The following PGAM5 variants were observed in gnomAD, a reference collection of about 807,000 sequenced individuals.
The protein encoded by PGAM5 is serine/threonine-protein phosphatase PGAM5, mitochondrial.
Under a neutral mutation model 30.6 loss-of-function variants are expected in PGAM5, and 25 were observed. The ratio of observed to expected loss-of-function variants is 0.82; its 90% confidence interval spans 0.60 to 1.14. PGAM5 has a LOEUF of 1.14. Among genes scored for constraint, PGAM5 ranks in the 50% most tolerant of loss-of-function variants. The pLI is 0.00. For missense variants in PGAM5, 384 were observed against 408.5 expected (o/e 0.94, Z 0.52); for synonymous variants, 201 against 179.1 (o/e 1.12, Z -0.98).
intron 1 of PGAM5, among the ~76,000 whole-genome samples, chr12:132,713,967 T>G (rs1040242672): frequency 3.3e-5 from 5 of 151,896 alleles, no homozygotes; most frequent in African/African-American, 1.2e-4. Flanking sequence ...TTCCAGCAGC[T>G]CTGGAACAGA....
chr12:132,712,262 C>T (rs1484604132), intron 1 of PGAM5, among the ~76,000 whole-genome samples: 1 of 152,046 alleles, frequency 6.6e-6, no homozygotes, highest in Non-Finnish European at 1.5e-5. Context: ...CTGTTCTGTT[C>T]TAGGGTCCCA....
rs17855393 is a variant in PGAM5 at position 132,718,796 on chromosome 12, C to G, written c.719+676C>G. ...GCTGTTGTCCGCTGGGGATTTTGTG[C>G]TTCTGGGGTCCTGACCTCTTTCACT... On this transcript the variant is annotated intron_variant, in intron 5 of 5. Coordinates refer to ENST00000498926, the MANE Select transcript of PGAM5 (RefSeq NM_001170543.2). 10,790 of 1,613,566 alleles carry G rather than the reference C, an allele frequency of 6.7e-3. 529 individuals carry two copies. The African/African-American group carries it at 0.11, about 17-fold the overall frequency.
intron 2 of PGAM5, among the ~76,000 whole-genome samples, chr12:132,716,529 T>C (rs904621468): frequency 6.6e-6 from 1 of 152,116 alleles, no homozygotes; most frequent in Non-Finnish European, 1.5e-5. Flanking sequence ...GCGCCCGGCC[T>C]GGCCTCTGCC....
At position 132,720,433 on chromosome 12, in the gene PGAM5, A is replaced by G. The variant is rs551165928; in HGVS notation, c.720-245A>G. On this transcript the variant is annotated intron_variant, in intron 5 of 5. Transcript: ENST00000498926. ...CGCCATTCTTCTGCCTCAGCCTCCC[A>G]AGTAGCTGGGACTACAGGTGCCTGC... Among the ~76,000 whole-genome samples, 746 of 151,562 alleles carry G rather than the reference A, an allele frequency of 4.9e-3. 6 individuals are homozygous for G. Among genetic ancestry groups the G allele is most frequent in the South Asian group, 0.017 (81 of 4,792 alleles).
At chr12:132,715,088 T>G (rs1181746868) in intron 2 of PGAM5, 52 bp downstream of exon 2, 5 of 1,366,788 alleles carry the variant, frequency 3.7e-6, no homozygotes, top group Non-Finnish European at 4.9e-6. Flanking sequence ...TGTGGCCAGG[T>G]GCATATCTGC....
Position 132,714,923 on chromosome 12 carries a change from C to A in PGAM5, c.257C>A (p.Ala86Glu), listed in dbSNP as rs542934208. ...RNVESGEEELASKLDHYKAKA... is the reference protein window; with the variant it reads ...RNVESGEEELESKLDHYKAKA... ...GTGGAATCTGGGGAAGAAGAGCTGG[C>A]GTCCAAGCTGGACCACTACAAAGCC... Residue 86 changes from alanine to glutamate, a missense_variant, in exon 2 of 6, where the codon GCG becomes GAG. By Grantham distance (107) the Ala-to-Glu change is moderately radical. Transcript: ENST00000498926. 6.2e-7 allele frequency: 1 copy of A among 1,613,700 alleles called. No homozygotes were observed. The highest frequency in any genetic ancestry group is 2.2e-5 in the East Asian group (1 of 44,886).
At chr12:132,720,081 T>C (rs1291422699) in intron 5 of PGAM5, among the ~76,000 whole-genome samples, 2 of 152,196 alleles carry the variant, frequency 1.3e-5, no homozygotes, top group African/African-American at 4.8e-5. Context: ...GGTCCCCAAG[T>C]GTGATGGCTC....
At position 132,720,931 on chromosome 12, in the gene PGAM5, C is replaced by A; in HGVS notation, c.*103C>A. 7.5e-7 allele frequency: 1 copy of A among 1,341,214 alleles called. No individual in the cohort carries two copies. The highest frequency in any genetic ancestry group is 9.9e-7 in the Non-Finnish European group (1 of 1,005,402). The allele number at this position is 1,341,214 out of a possible 1,614,324, so 83.1% of individuals were successfully genotyped here. On this transcript the variant is annotated 3_prime_UTR_variant, in exon 6 of 6. Transcript: ENST00000498926. ...CGGAAAGTAGAAACCTGCAATGCTG[C>A]ATCTGGGAACTGACTTGTGACCAGG...
intron 5 of PGAM5, among the ~76,000 whole-genome samples, chr12:132,720,121 C>CGTCGATCCCAGTCATCGATTCAT (rs2043628108): frequency 6.6e-6 from 1 of 152,186 alleles, no homozygotes; most frequent in Non-Finnish European, 1.5e-5. Context: ...CATCGATTCA[C>CGTCGATCCCAGTCATCGATTCAT]GTCGATCCCA....
intron 1 of PGAM5, among the ~76,000 whole-genome samples, chr12:132,712,226 A>G (rs1430078934): frequency 6.6e-6 from 1 of 152,192 alleles, no homozygotes; most frequent in Non-Finnish European, 1.5e-5. Flanking sequence ...TTCATGTTTC[A>G]TTGAGATTTC....
intron 5 of PGAM5, 72 bp downstream of exon 5, chr12:132,718,192 A>G (rs2043602802): frequency 1.3e-6 from 2 of 1,580,664 alleles, no homozygotes; most frequent in Non-Finnish European, 1.7e-6. Context: ...GAAGAAGCCG[A>G]GCGAGACCCT....
chr12:132,715,128 G>A (rs2043562182), intron 2 of PGAM5, 92 bp downstream of exon 2: 1 of 1,321,182 alleles, frequency 7.6e-7, no homozygotes, highest in Non-Finnish European at 1.0e-6. Context: ...CTGGGTGCAG[G>A]TCCTCCGCCG....
In PGAM5 at chr12:132,717,564, G is replaced by A; in HGVS notation, c.496G>A (p.Gly166Ser). ...CGATATCATCAGCCGGCACCTGCCAGGTGAGTGCTGCGCGCGGGGCCTCCA... is the reference window on the plus strand; with the variant it reads ...CGATATCATCAGCCGGCACCTGCCAAGTGAGTGCTGCGCGCGGGGCCTCCA... The part of the protein sequence containing the change: ...TTDIISRHLP[G>S]VCKVSTDLLR... Residue 166 changes from glycine to serine, a missense_variant and splice_region_variant, in exon 3 of 6, where the codon GGC (glycine) becomes AGC (serine). Coordinates refer to ENST00000498926, the MANE Select transcript of PGAM5 (RefSeq NM_001170543.2). 1.2e-6 allele frequency: 2 copies of A among 1,610,706 alleles called. No individual in the cohort carries two copies. The highest frequency in any genetic ancestry group is 2.2e-5 in the South Asian group (2 of 91,076).
rs1394054940 is a variant in PGAM5, at chr12:132,714,947, C to G, written c.281C>G (p.Ala94Gly). ...ELASKLDHYK[A>G]KATRHIFLIR... Reference sequence around the variant, plus strand: ...GCGTCCAAGCTGGACCACTACAAAGCCAAGGCCACGCGGCACATCTTCCTC... The same window carrying G: ...GCGTCCAAGCTGGACCACTACAAAGGCAAGGCCACGCGGCACATCTTCCTC... The change falls in exon 2 of 6, where the codon GCC (alanine) becomes GGC (glycine). Residue 94 changes from alanine (A) to glycine (G), a missense_variant. Ala to Gly is a moderately conservative substitution (Grantham distance 60). Transcript: ENST00000498926. 3 of 1,613,608 alleles carry G rather than the reference C, an allele frequency of 1.9e-6. No individual in the cohort carries two copies. The East Asian group carries it at 6.7e-5, about 36-fold the overall frequency.
intron 1 of PGAM5, among the ~76,000 whole-genome samples, chr12:132,712,562 T>C (rs930054159): frequency 6.6e-6 from 1 of 152,200 alleles, no homozygotes; most frequent in Non-Finnish European, 1.5e-5. Flanking sequence ...GTTCAAGCAA[T>C]TCTCCTGCCT....
chr12:132,720,119 C>CACGTCGATCCCAGTCATCGATTT (rs2043628073), intron 5 of PGAM5, among the ~76,000 whole-genome samples: 1 of 152,186 alleles, frequency 6.6e-6, no homozygotes, highest in Non-Finnish European at 1.5e-5. Flanking sequence ...GTCATCGATT[C>CACGTCGATCCCAGTCATCGATTT]ACGTCGATCC....
In PGAM5 at chr12:132,720,971, G is replaced by A. The variant is rs1207312203; in HGVS notation, c.*143G>A. ...TTGTGACCAGGCTGAGAAGGGGAGA[G>A]TTGGGATCAGACAGCCTGACTTCTC... is the stretch of plus-strand genomic sequence containing the variant. On this transcript the variant is annotated 3_prime_UTR_variant, in exon 6 of 6. Transcript: ENST00000498926. 2 of 1,058,460 alleles carry A rather than the reference G, an allele frequency of 1.9e-6. No homozygotes were observed. The highest frequency in any genetic ancestry group is 2.6e-6 in the Non-Finnish European group (2 of 756,960). 65.6% of individuals were successfully genotyped at this position (1,058,460 alleles called of 1,614,324 possible).
chr12:132,720,299 C>A (rs1434279115), intron 5 of PGAM5, among the ~76,000 whole-genome samples: 3 of 149,834 alleles, frequency 2.0e-5, no homozygotes, highest in Non-Finnish European at 4.4e-5. Flanking sequence ...AGTCCCCTGG[C>A]TCTAGCCCAG....
intron 5 of PGAM5, among the ~76,000 whole-genome samples, chr12:132,720,148 G>A (rs958976377): frequency 1.3e-5 from 2 of 152,172 alleles, no homozygotes; most frequent in African/African-American, 4.8e-5. Context: ...TCTTCCCCGA[G>A]AAGCCCCGAC....
Sources: allele counts gnomAD v4.1 joint callset (sites outside exome capture counted in the v4.1 genomes callset), GRCh38; gene constraint gnomAD v4.1.1; transcripts MANE v1.5; gene names NCBI Gene and HGNC (gene_info 2026-07-23, HGNC 2026-07-21).